SNTG1: variants seen among roughly 807,000 people sequenced by gnomAD.
The protein encoded by SNTG1 is gamma-1-syntrophin.
Under a neutral mutation model 74.7 loss-of-function variants are expected in SNTG1, and 39 were observed. That is an observed-to-expected ratio of 0.52 (90% CI 0.40 to 0.68). SNTG1 has a LOEUF of 0.68. SNTG1 is among the 30% of genes least tolerant of loss of function. The pLI is 0.00. For synonymous variants in SNTG1, 254 were observed against 217.1 expected (o/e 1.17, Z -1.49); for missense variants, 685 against 609.5 (o/e 1.12, Z -1.30).
intron 2 of SNTG1, among the ~76,000 whole-genome samples, chr8:50,348,380 C>T (rs951241313): frequency 6.6e-6 from 1 of 152,176 alleles, no homozygotes; most frequent in Non-Finnish European, 1.5e-5. Context: ...CACCCACCCC[C>T]ACTACCCGCT....
rs76711439 is a variant in SNTG1 at position 50,295,147 on chromosome 8, G to T, written c.-27-99065G>T. ...TTTGCAAATTTAGGGAAGAAACAAA[G>T]AAATTAAAATCAAACCTAAGGACAA... On this transcript the variant is annotated intron_variant, in intron 2 of 18. Coordinates refer to ENST00000642720, the MANE Select transcript of SNTG1 (RefSeq NM_018967.5). 5.6e-4 allele frequency among the ~76,000 whole-genome samples: 85 copies of T among 152,196 alleles called. No individual in the cohort carries two copies. The East Asian group carries it at 0.013, about 24-fold the overall frequency.
chr8:50,375,330 C>G lies in SNTG1; in HGVS notation c.-27-18882C>G, dbSNP rs554043711. Among the ~76,000 whole-genome samples the G allele has an allele frequency of 9.9e-5, 15 of 152,022 alleles. No homozygotes were observed. In the South Asian group the frequency reaches 3.1e-3, roughly 32 times the overall value. On this transcript the variant is annotated intron_variant, in intron 2 of 18. Coordinates refer to ENST00000642720, the MANE Select transcript of SNTG1 (RefSeq NM_018967.5). ...TGGTGTGCTGGGGCAATGGGACATG[C>G]ACAGGAGGACCTGGGGGACAAGCTC...
chr8:50,620,735 CT>C (rs1342182283), intron 13 of SNTG1, among the ~76,000 whole-genome samples: 1 of 152,072 alleles, frequency 6.6e-6, no homozygotes, highest in East Asian at 1.9e-4. Flanking sequence ...TGGGTAGCAA[CT>C]TTTGCTTGTA....
At chr8:50,589,604 AC>A (rs1424388203) in intron 12 of SNTG1, among the ~76,000 whole-genome samples, 24 of 151,080 alleles carry the variant, frequency 1.6e-4, no homozygotes, top group East Asian at 5.8e-4. Flanking sequence ...AAAAAAAAAA[AC>A]ATTGCAGTTT....
chr8:49,951,873 C>CAAAAAAAAAAAAAAAAAAAAAAAAAAAAA (rs5891338), intron 1 of SNTG1, among the ~76,000 whole-genome samples: 20 of 56,296 alleles, frequency 3.6e-4, no homozygotes, highest in Non-Finnish European at 4.7e-4. Context: ...GGAAAATTCA[C>CAAAAAAAAAAAAAAAAAAAAAAAAAAAAA]AAAAAAAAAA....
chr8:50,057,161 G>C (rs1416348969), intron 1 of SNTG1, among the ~76,000 whole-genome samples: 1 of 152,060 alleles, frequency 6.6e-6, no homozygotes, highest in Admixed American at 6.6e-5. Context: ...TCATTTTTAA[G>C]GGAAGAATTG....
intron 11 of SNTG1, among the ~76,000 whole-genome samples, chr8:50,545,137 G>T (rs1187132731): frequency 1.3e-5 from 2 of 151,610 alleles, no homozygotes; most frequent in Non-Finnish European, 2.9e-5. Context: ...TTTTTCCATA[G>T]CCCATAATTT....
At chr8:50,685,587 G>A (rs1412117367) in intron 15 of SNTG1, among the ~76,000 whole-genome samples, 3 of 152,054 alleles carry the variant, frequency 2.0e-5, no homozygotes, top group Non-Finnish European at 4.4e-5. Flanking sequence ...AGGCAGAGTG[G>A]AAAATGAAAT....
At chr8:50,008,144 GA>G (rs112069665) in intron 1 of SNTG1, among the ~76,000 whole-genome samples, 9,209 of 151,984 alleles carry the variant, frequency 0.061, 913 homozygotes, top group African/African-American at 0.21. Context: ...AGAATTTATG[GA>G]AAAAAACCCA....
At chr8:50,722,185 T>C (rs1489681709) in intron 17 of SNTG1, among the ~76,000 whole-genome samples, 8 of 151,906 alleles carry the variant, frequency 5.3e-5, no homozygotes, top group Admixed American at 5.3e-4. Flanking sequence ...TGTGTACATA[T>C]ATATATTGAG....
At chr8:50,379,313 C>T (rs79850421) in intron 2 of SNTG1, among the ~76,000 whole-genome samples, 1 of 152,136 alleles carries the variant, frequency 6.6e-6, no homozygotes, top group South Asian at 2.1e-4. Context: ...CACTTCCTAG[C>T]CTATGAAAGC....
upstream of SNTG1, among the ~76,000 whole-genome samples, chr8:49,910,445 T>A (rs1052790706): frequency 4.6e-5 from 7 of 152,158 alleles, no homozygotes; most frequent in Non-Finnish European, 8.8e-5. Context: ...CTCTTTCCAT[T>A]TTCCCCTTTT....
In SNTG1 at chr8:50,009,763, C is replaced by T. The variant is rs1197277591; in HGVS notation, c.-103+97532C>T. On this transcript the variant is annotated intron_variant, in intron 1 of 18. Transcript: ENST00000642720. ...CTATAATCCAAGCACTGTGGAAGGCCGAGGTGGGTGGATCATCTGAGATCA... is the reference window on the plus strand; with the variant it reads ...CTATAATCCAAGCACTGTGGAAGGCTGAGGTGGGTGGATCATCTGAGATCA... Among the ~76,000 whole-genome samples the T allele has an allele frequency of 2.6e-5, 4 of 152,040 alleles. No homozygotes were observed. The East Asian group carries it at 7.7e-4, about 29-fold the overall frequency.
At chr8:50,293,230 A>G (rs1224639116) in intron 2 of SNTG1, among the ~76,000 whole-genome samples, 5 of 152,124 alleles carry the variant, frequency 3.3e-5, no homozygotes, top group Non-Finnish European at 7.4e-5. Flanking sequence ...GAAGGCTAGA[A>G]GTCCAAGACC....
At position 50,417,479 on chromosome 8, in the gene SNTG1, T is replaced by C. The variant is rs11988866; in HGVS notation, c.162+15135T>C. ...AATGTCGCCCAGTTATAATATTCCA[T>C]GGCTTGCTTCTCTTTTTTCTTCTAA... On this transcript the variant is annotated intron_variant, in intron 4 of 18. Coordinates refer to ENST00000642720, the MANE Select transcript of SNTG1 (RefSeq NM_018967.5). Among the ~76,000 whole-genome samples, 1,384 of 152,308 alleles carry C rather than the reference T, an allele frequency of 9.1e-3. 27 individuals carry two copies. The highest frequency in any genetic ancestry group is 0.032 in the African/African-American group (1,310 of 41,586).
chr8:49,999,338 C>T (rs1444418900), intron 1 of SNTG1, among the ~76,000 whole-genome samples: 10 of 152,138 alleles, frequency 6.6e-5, no homozygotes, highest in Non-Finnish European at 1.3e-4. Context: ...CTCACTGCCT[C>T]TCTGCTGCAA....
chr8:50,117,337 A>G (rs2080858166), intron 1 of SNTG1, among the ~76,000 whole-genome samples: 1 of 152,146 alleles, frequency 6.6e-6, no homozygotes, highest in Non-Finnish European at 1.5e-5. Context: ...TAAACAGGCT[A>G]TGCTTGTTTA....
At chr8:50,329,209 TG>T (rs2090866808) in intron 2 of SNTG1, among the ~76,000 whole-genome samples, 1 of 152,204 alleles carries the variant, frequency 6.6e-6, no homozygotes, top group African/African-American at 2.4e-5. Context: ...TGTCTGTCTA[TG>T]GCTTTTCCAG....
At chr8:50,433,037 G>T (rs536714877) in intron 4 of SNTG1, among the ~76,000 whole-genome samples, 2 of 152,076 alleles carry the variant, frequency 1.3e-5, no homozygotes, top group African/African-American at 2.4e-5. Context: ...TGATCCACCT[G>T]CCTCGGCCTC....
Sources: gnomAD v4.1 joint callset for allele counts (sites outside exome capture counted in the v4.1 genomes callset) on GRCh38, gnomAD v4.1.1 for gene constraint, MANE v1.5 for transcripts, NCBI Gene and HGNC (gene_info 2026-07-23, HGNC 2026-07-21) for gene names.